The following TMC8 variants were observed in gnomAD, a reference collection of about 807,000 sequenced individuals.
TMC8 encodes transmembrane channel like 8.
A neutral mutation model predicts 76.0 loss-of-function variants in TMC8; 71 were observed. The observed-to-expected ratio is 0.93, with a 90% CI of 0.77 to 1.14. TMC8 has a LOEUF of 1.14. Ranked by LOEUF, TMC8 falls within the 50% of genes most tolerant of loss-of-function variation. The pLI, the probability that TMC8 is intolerant of heterozygous loss-of-function variation, is 0.00. For missense variants in TMC8, 924 were observed against 947.9 expected (o/e 0.97, Z 0.33); for synonymous variants, 433 against 433.8 (o/e 1.00, Z 0.02).
Position 78,131,898 on chromosome 17 carries a change from G to A in TMC8, c.166G>A (p.Ala56Thr), listed in dbSNP as rs1044475107. 2.0e-6 allele frequency: 3 copies of A among 1,469,506 alleles called. No individual in the cohort carries two copies. The highest frequency in any genetic ancestry group is 2.7e-5 in the South Asian group (2 of 73,824). The allele number at this position is 1,469,506 out of a possible 1,614,324, so 91.0% of individuals were successfully genotyped here. ...CCCGTCCAGGCAGCTGCGGGAGCCC[G>A]CGGGGGTGCAGACCTTGCGCTGGCA... Reference protein sequence around the residue: ...KRLIWQLREPAGVQTLRWQRW... With the variant: ...KRLIWQLREPTGVQTLRWQRW... The change falls in exon 3 of 16, where the codon GCG becomes ACG. Residue 56 changes from alanine to threonine, a missense_variant. Coordinates refer to ENST00000318430, the MANE Select transcript of TMC8 (RefSeq NM_152468.5).
intron 11 of TMC8, 36 bp downstream of exon 11, chr17:78,137,850 G>T (rs563623563): frequency 2.5e-6 from 4 of 1,607,874 alleles, no homozygotes; most frequent in African/African-American, 2.7e-5. Context: ...AAGGGCGGGG[G>T]TGCCGCGAGC....
In TMC8 at chr17:78,137,737, G is replaced by A; in HGVS notation, c.1272G>A (p.Gly424=). The A allele has an allele frequency of 6.2e-7, 1 of 1,613,608 alleles. No individual in the cohort carries two copies. Among genetic ancestry groups the A allele is most frequent in the Non-Finnish European group, 8.5e-7 (1 of 1,180,004 alleles). ...CDYQCWENSV[G]EELYKLSIFN... ...CCCAGTGCTGGGAGAACTCCGTGGGGGAGGAGCTGTACAAGCTGAGTATCT... is the reference window on the plus strand; with the variant it reads ...CCCAGTGCTGGGAGAACTCCGTGGGAGAGGAGCTGTACAAGCTGAGTATCT... Residue 424 remains glycine, a synonymous_variant, in exon 11 of 16, where the codon GGG becomes GGA. Coordinates refer to ENST00000318430, the MANE Select transcript of TMC8 (RefSeq NM_152468.5).
At chr17:78,136,427 G>A (rs544796103) in intron 9 of TMC8, among the ~76,000 whole-genome samples, 10 of 152,014 alleles carry the variant, frequency 6.6e-5, no homozygotes, top group East Asian at 1.9e-4. Flanking sequence ...CTGTGATCGC[G>A]TCACTGCACT....
chr17:78,139,062 G>A, intron 14 of TMC8, 100 bp from the exon 15 acceptor site: 2 of 1,583,890 alleles, frequency 1.3e-6, no homozygotes, highest in Non-Finnish European at 8.6e-7. Context: ...GAAGACCCCA[G>A]TACCGCGTAT....
Position 78,138,495 on chromosome 17 carries a change from G to C in TMC8, c.1664+16G>C. Reference sequence around the variant, plus strand: ...TGGTCAGCAGGTGAGGGGAAGAGGAGGGGGGCACCCAGAGGCTGGCAGGGG... The same window carrying C: ...TGGTCAGCAGGTGAGGGGAAGAGGACGGGGGCACCCAGAGGCTGGCAGGGG... On this transcript the variant is annotated intron_variant, in intron 13 of 15. Transcript: ENST00000318430. 1 of 1,613,454 alleles carries C rather than the reference G, an allele frequency of 6.2e-7. No individual in the cohort carries two copies.
chr17:78,137,440 T>G, intron 10 of TMC8, 82 bp downstream of exon 10: 1 of 1,606,100 alleles, frequency 6.2e-7, no homozygotes, highest in Non-Finnish European at 8.5e-7. Flanking sequence ...GCCCTGTTCC[T>G]GCCCCTTTAG....
At position 78,132,034 on chromosome 17, in the gene TMC8, G is replaced by A. The variant is rs2145579224; in HGVS notation, c.298+4G>A. The A allele has an allele frequency of 6.5e-7, 1 of 1,534,504 alleles. No individual in the cohort carries two copies. Among genetic ancestry groups the A allele is most frequent in the South Asian group, 1.2e-5 (1 of 84,050 alleles). On this transcript the variant is annotated splice_donor_region_variant and intron_variant, in intron 3 of 15. Coordinates refer to ENST00000318430, the MANE Select transcript of TMC8 (RefSeq NM_152468.5). ...GGGGCGCTCTACGAGATCGGGGGTA[G>A]GACCCGCGCGACCCGCACCTCCCCT...
At chr17:78,140,767 C>A in intron 15 of TMC8, 67 bp from the exon 16 acceptor site, 1 of 1,556,166 alleles carries the variant, frequency 6.4e-7, no homozygotes, top group Non-Finnish European at 8.7e-7. Context: ...GTTGCTGCCG[C>A]TGCTGTCCTC....
Position 78,131,649 on chromosome 17 carries a change from C to A in TMC8, c.61C>A (p.Leu21Met). 3.8e-6 allele frequency: 6 copies of A among 1,561,396 alleles called. No individual in the cohort carries two copies. The highest frequency in any genetic ancestry group is 5.2e-6 in the Non-Finnish European group (6 of 1,153,920). Residue 21 changes from leucine to methionine, a missense_variant, in exon 2 of 16, where the codon CTG becomes ATG. Transcript: ENST00000318430. ...RAPGVPEPEE[L>M]WEAEMERLRG... ...CCCTGGGGTGCCGGAGCCGGAGGAG[C>A]TGTGGGAGGCAGAGATGGAGCGGCT... is the stretch of plus-strand genomic sequence containing the variant.
intron 3 of TMC8, 67 bp from the exon 4 acceptor site, chr17:78,132,292 T>A: frequency 6.3e-7 from 1 of 1,586,988 alleles, no homozygotes; most frequent in Non-Finnish European, 8.6e-7. Context: ...GGGCCCGCCC[T>A]TGGACTCTCA....
chr17:78,137,295 A>G lies in TMC8; in HGVS notation c.1188A>G (p.Ile396Met). 1 of 1,613,976 alleles carries G rather than the reference A, an allele frequency of 6.2e-7. No homozygotes were observed. The highest frequency in any genetic ancestry group is 1.1e-5 in the South Asian group (1 of 91,084). ...GMFSVSLGQT[I>M]LCIGRDKSSC... ...TCTCCGTCTCCCTGGGTCAGACCAT[A>G]CTGTGCATTGGCAGAGACAAGAGCA... Residue 396 changes from isoleucine (I) to methionine (M), a missense_variant, in exon 10 of 16, where the codon ATA becomes ATG. Transcript: ENST00000318430.
At chr17:78,131,201 G>T (rs1183269450) in intron 1 of TMC8, 80 bp from the exon 2 acceptor site, 2 of 352,618 alleles carry the variant, frequency 5.7e-6, no homozygotes, top group East Asian at 1.6e-4. Flanking sequence ...GTGGATGCGG[G>T]GTGCAGCAGG....
At position 78,141,940 on chromosome 17, in the gene TMC8, G is replaced by A. The variant is rs12103432; in HGVS notation, c.*828G>A. On this transcript the variant is annotated 3_prime_UTR_variant, in exon 16 of 16. Coordinates refer to ENST00000318430, the MANE Select transcript of TMC8 (RefSeq NM_152468.5). Reference sequence around the variant, plus strand: ...CTGGTTGAGCCAAGCTTGCGGATCCGTGGGGTGAAGGTACCCGCACCGCCT... The same window carrying A: ...CTGGTTGAGCCAAGCTTGCGGATCCATGGGGTGAAGGTACCCGCACCGCCT... The A allele has an allele frequency of 0.018, 2,726 of 152,482 alleles. 83 individuals carry two copies. Among genetic ancestry groups the A allele is most frequent in the African/African-American group, 0.061 (2,550 of 41,586 alleles). 9.4% of individuals were successfully genotyped at this position (152,482 alleles called of 1,614,324 possible). A position where few individuals can be genotyped will look rare whatever the true frequency, so the allele number is the denominator to read the frequency against.
At chr17:78,136,429 C>T (rs2075232538) in intron 9 of TMC8, among the ~76,000 whole-genome samples, 2 of 151,892 alleles carry the variant, frequency 1.3e-5, no homozygotes, top group African/African-American at 2.4e-5. Context: ...GTGATCGCGT[C>T]ACTGCACTCC....
rs986868698 is a variant in TMC8 at position 78,141,985 on chromosome 17, G to T, written c.*873G>T. The T allele has an allele frequency of 6.6e-6, 1 of 152,372 alleles. No individual in the cohort carries two copies. The highest frequency in any genetic ancestry group is 2.4e-5 in the African/African-American group (1 of 41,454). The allele number at this position is 152,372 out of a possible 1,614,324, so 9.4% of individuals were successfully genotyped here. Reference sequence around the variant, plus strand: ...CCGCCTGGGCCTTAGTGGTATGTACGGGCCTGCATCGTGAGCAGCGGGCGG... The same window carrying T: ...CCGCCTGGGCCTTAGTGGTATGTACTGGCCTGCATCGTGAGCAGCGGGCGG... On this transcript the variant is annotated 3_prime_UTR_variant, in exon 16 of 16. Coordinates refer to ENST00000318430, the MANE Select transcript of TMC8 (RefSeq NM_152468.5).
intron 15 of TMC8, 149 bp from the exon 16 acceptor site, chr17:78,140,685 G>T (rs2075353164): frequency 1.8e-6 from 2 of 1,112,042 alleles, no homozygotes; most frequent in Non-Finnish European, 2.6e-6. Flanking sequence ...GTGTGGCCTC[G>T]AGCGGGGCGT....
chr17:78,137,133 C>T, intron 9 of TMC8, 102 bp from the exon 10 acceptor site: 2 of 1,551,864 alleles, frequency 1.3e-6, no homozygotes, highest in South Asian at 2.3e-5. Flanking sequence ...GGGCCCAGGA[C>T]ACAACATGAT....
intron 9 of TMC8, among the ~76,000 whole-genome samples, chr17:78,136,017 A>G (rs2075218748): frequency 6.6e-6 from 1 of 152,146 alleles, no homozygotes; most frequent in Non-Finnish European, 1.5e-5. Context: ...TTGCGCCACT[A>G]CACTCCAGCC....
At chr17:78,139,973 C>T (rs1359416561) in intron 15 of TMC8, among the ~76,000 whole-genome samples, 1 of 151,880 alleles carries the variant, frequency 6.6e-6, no homozygotes, top group Non-Finnish European at 1.5e-5. Context: ...GGCGGAGGGG[C>T]GGAGGTTGCA....
Sources: gnomAD v4.1 joint callset for allele counts (sites outside exome capture counted in the v4.1 genomes callset) on GRCh38, gnomAD v4.1.1 for gene constraint, MANE v1.5 for transcripts, NCBI Gene and HGNC (gene_info 2026-07-23, HGNC 2026-07-21) for gene names.